LRP1B: variants seen among roughly 807,000 people sequenced by gnomAD.
LRP1B encodes low-density lipoprotein receptor-related protein 1B.
A neutral mutation model predicts 556.6 loss-of-function variants in LRP1B; 217 were observed. The observed-to-expected ratio is 0.39, with a 90% CI of 0.35 to 0.44. The LOEUF (loss-of-function observed/expected upper bound fraction) is 0.44. LRP1B is among the 20% of genes least tolerant of loss of function. The pLI is 1.00. For missense variants in LRP1B, 5,053 were observed against 5,620.8 expected (o/e 0.90, Z 3.23); for synonymous variants, 2,047 against 1,865.8 (o/e 1.10, Z -2.50).
At chr2:140,493,679 T>C (rs917405438) in intron 56 of LRP1B, among the ~76,000 whole-genome samples, 4 of 152,162 alleles carry the variant, frequency 2.6e-5, no homozygotes, top group Non-Finnish European at 5.9e-5. Flanking sequence ...AATCACATAA[T>C]TGAATGTGGA....
At position 141,072,063 on chromosome 2, in the gene LRP1B, C is replaced by T. The variant is rs115220126; in HGVS notation, c.1014-9790G>A. Among the ~76,000 whole-genome samples, 901 of 152,204 alleles carry T rather than the reference C, an allele frequency of 5.9e-3. 11 individuals carry two copies. Among genetic ancestry groups the T allele is most frequent in the African/African-American group, 0.02 (850 of 41,550 alleles). ...ACAAGTCTCTGCTTAAAGCATAAGA[C>T]AGGCTAACATTTTGTCCACTGATAC... On this transcript the variant is annotated intron_variant, in intron 7 of 90. Coordinates refer to ENST00000389484, the MANE Select transcript of LRP1B (RefSeq NM_018557.3).
rs535580583 is a variant in LRP1B at position 140,764,611 on chromosome 2, C to T, written c.5758+4602G>A. 2.0e-5 allele frequency among the ~76,000 whole-genome samples: 3 copies of T among 152,178 alleles called. No homozygotes were observed. The East Asian group carries it at 5.8e-4, about 29-fold the overall frequency. ...CAATGATATTTTGTCACATATACTC[C>T]TTCAGTGTTTTTAAAATATGTTTTA... On this transcript the variant is annotated intron_variant, in intron 35 of 90. Transcript: ENST00000389484.
At chr2:141,959,193 G>T (rs958067933) in intron 1 of LRP1B, among the ~76,000 whole-genome samples, 7 of 151,970 alleles carry the variant, frequency 4.6e-5, no homozygotes, top group Admixed American at 4.6e-4. Context: ...TAGGATAGCA[G>T]ACAAGGTGCT....
intron 35 of LRP1B, among the ~76,000 whole-genome samples, chr2:140,764,564 G>T (rs1342224560): frequency 4.6e-5 from 7 of 152,134 alleles, no homozygotes; most frequent in African/African-American, 1.4e-4. Context: ...ATAAACAGAT[G>T]ACATTCACTG....
chr2:140,325,708 G>GTATT, intron 80 of LRP1B, 54 bp downstream of exon 80: 1 of 1,174,778 alleles, frequency 8.5e-7, no homozygotes, highest in Non-Finnish European at 1.2e-6. Flanking sequence ...TTTTGTATTA[G>GTATT]TATTTAACAC....
intron 5 of LRP1B, among the ~76,000 whole-genome samples, chr2:141,237,004 A>G (rs543830081): frequency 3.3e-5 from 5 of 152,338 alleles, no homozygotes; most frequent in Non-Finnish European, 5.9e-5. Context: ...GGACACAGGT[A>G]TCAGATATCT....
At chr2:141,424,431 C>T (rs1442708898) in intron 3 of LRP1B, among the ~76,000 whole-genome samples, 4 of 152,108 alleles carry the variant, frequency 2.6e-5, no homozygotes, top group Non-Finnish European at 5.9e-5. Flanking sequence ...TAAATAACTA[C>T]TTCCATGACA....
chr2:142,125,585 A>G (rs1707611947), intron 1 of LRP1B, among the ~76,000 whole-genome samples: 1 of 151,722 alleles, frequency 6.6e-6, no homozygotes. Context: ...ATCCCAAAAA[A>G]CTAATAAGTT....
chr2:140,475,101 T>A, intron 60 of LRP1B, 37 bp downstream of exon 60: 5 of 1,051,600 alleles, frequency 4.8e-6, no homozygotes, highest in Non-Finnish European at 6.5e-6. Context: ...TTTTATGACC[T>A]GGTAAAATAC....
At chr2:140,509,065 C>T (rs1689538835) in intron 52 of LRP1B, among the ~76,000 whole-genome samples, 1 of 84,042 alleles carries the variant, frequency 1.2e-5, no homozygotes, top group African/African-American at 4.3e-5. Context: ...TACCCCTGCA[C>T]ACACACACAC....
In LRP1B at chr2:140,486,724, A is replaced by C. The variant is rs529643911; in HGVS notation, c.9243+893T>G. 1.3e-4 allele frequency among the ~76,000 whole-genome samples: 20 copies of C among 152,002 alleles called. No homozygotes were observed. In the South Asian group the frequency reaches 4.1e-3, roughly 31 times the overall value. On this transcript the variant is annotated intron_variant, in intron 58 of 90. Coordinates refer to ENST00000389484, the MANE Select transcript of LRP1B (RefSeq NM_018557.3). ...TTAAAAACAAAAATCTCATCGGTTT[A>C]TTTGTTCCATCTAACCATTGGGTTG... is the stretch of plus-strand genomic sequence containing the variant.
intron 2 of LRP1B, among the ~76,000 whole-genome samples, chr2:141,514,294 T>A (rs1277734915): frequency 2.0e-5 from 3 of 152,106 alleles, no homozygotes; most frequent in Non-Finnish European, 2.9e-5. Flanking sequence ...TGCCCCAGAC[T>A]TCAATAAAGG....
intron 7 of LRP1B, among the ~76,000 whole-genome samples, chr2:141,073,956 G>A (rs148680493): frequency 6.4e-4 from 98 of 151,944 alleles, no homozygotes; most frequent in Admixed American, 1.1e-3. Flanking sequence ...TTTTCTTATC[G>A]TAGCCAAAGA....
chr2:140,485,133 A>T (rs1484308522), intron 59 of LRP1B, among the ~76,000 whole-genome samples: 1 of 152,124 alleles, frequency 6.6e-6, no homozygotes, highest in Non-Finnish European at 1.5e-5. Context: ...TTAAAACTTT[A>T]AAAAAATAGT....
At chr2:141,780,696 T>C (rs535246341) in intron 2 of LRP1B, among the ~76,000 whole-genome samples, 1 of 152,300 alleles carries the variant, frequency 6.6e-6, no homozygotes, top group South Asian at 2.1e-4. Context: ...ACAGCATTCT[T>C]TAGATGAACC....
At chr2:140,251,945 G>T (rs1344283852) in intron 86 of LRP1B, among the ~76,000 whole-genome samples, 1 of 149,628 alleles carries the variant, frequency 6.7e-6, no homozygotes, top group South Asian at 2.1e-4. Flanking sequence ...CACTCTTTTG[G>T]TGGTGAGCAT....
chr2:141,317,845 TG>T (rs1687088469), intron 3 of LRP1B, among the ~76,000 whole-genome samples: 1 of 152,112 alleles, frequency 6.6e-6, no homozygotes, highest in South Asian at 2.1e-4. Context: ...GCTTGGTAGA[TG>T]ATAGTTGCAA....
At chr2:141,524,280 A>ATATATATG (rs1553528056) in intron 2 of LRP1B, among the ~76,000 whole-genome samples, 3 of 151,312 alleles carry the variant, frequency 2.0e-5, no homozygotes, top group African/African-American at 7.3e-5. Flanking sequence ...ATATATATAT[A>ATATATATG]AAACTCAATG....
chr2:140,937,722 T>G (rs1314943490), intron 20 of LRP1B, among the ~76,000 whole-genome samples: 3 of 152,084 alleles, frequency 2.0e-5, no homozygotes, highest in African/African-American at 7.2e-5. Flanking sequence ...TTCTATGTGA[T>G]AAGGATTCAA....
Sources: allele counts gnomAD v4.1 joint callset (sites outside exome capture counted in the v4.1 genomes callset), GRCh38; gene constraint gnomAD v4.1.1; transcripts MANE v1.5; gene names NCBI Gene and HGNC (gene_info 2026-07-23, HGNC 2026-07-21).